The following CEP57 variants were observed in gnomAD, a reference collection of about 807,000 sequenced individuals.
CEP57 encodes the protein centrosomal protein of 57 kDa.
In CEP57, 40 loss-of-function variants were observed where a neutral mutation model predicts 68.0. The observed-to-expected ratio is 0.59, with a 90% CI of 0.46 to 0.77. CEP57 has a LOEUF of 0.77. Among genes scored for constraint, CEP57 ranks in the 30% least tolerant of loss-of-function variants. The pLI, the probability that CEP57 is intolerant of heterozygous loss-of-function variation, is 0.00. For missense variants in CEP57, 606 were observed against 580.7 expected (o/e 1.04, Z -0.45); for synonymous variants, 219 against 198.7 (o/e 1.10, Z -0.86).
intron 4 of CEP57, among the ~76,000 whole-genome samples, chr11:95,814,634 A>G (rs188586045): frequency 3.3e-5 from 5 of 152,328 alleles, no homozygotes; most frequent in Non-Finnish European, 1.5e-5. Context: ...TGCTGGAATT[A>G]CAGGCATGAG....
chr11:95,791,838 A>G (rs924124377), intron 1 of CEP57, among the ~76,000 whole-genome samples: 5 of 152,208 alleles, frequency 3.3e-5, no homozygotes, highest in Non-Finnish European at 5.9e-5. Context: ...CTTTTAGGAA[A>G]CTTGAGATAG....
At chr11:95,792,247 T>C (rs1231653003) in intron 1 of CEP57, among the ~76,000 whole-genome samples, 1 of 152,168 alleles carries the variant, frequency 6.6e-6, no homozygotes, top group Non-Finnish European at 1.5e-5. Context: ...TGAGATTTTA[T>C]AGGAGATGTG....
upstream of CEP57, chr11:95,790,285 A>G (rs1860946920): frequency 3.6e-6 from 1 of 276,524 alleles, no homozygotes; most frequent in Admixed American, 4.8e-5. Context: ...CACTGGCGAC[A>G]CCACTACTCG....
intron 2 of CEP57, among the ~76,000 whole-genome samples, chr11:95,805,718 A>T (rs1747089785): frequency 6.6e-6 from 1 of 152,168 alleles, no homozygotes; most frequent in African/African-American, 2.4e-5. Flanking sequence ...TGTTTATGAA[A>T]TTTTAGTAAT....
intron 1 of CEP57, among the ~76,000 whole-genome samples, chr11:95,791,718 A>G (rs1159682936): frequency 6.6e-6 from 1 of 152,178 alleles, no homozygotes; most frequent in Non-Finnish European, 1.5e-5. Flanking sequence ...CCTAGAAGGG[A>G]AGATGGAGCT....
At chr11:95,805,585 G>A (rs1233128022) in intron 2 of CEP57, among the ~76,000 whole-genome samples, 4 of 152,162 alleles carry the variant, frequency 2.6e-5, no homozygotes, top group African/African-American at 9.7e-5. Context: ...GACTCAATTC[G>A]TAAAAGACGG....
chr11:95,830,065 T>A (rs1862937138), intron 10 of CEP57, among the ~76,000 whole-genome samples: 1 of 152,138 alleles, frequency 6.6e-6, no homozygotes, highest in Admixed American at 6.6e-5. Context: ...GCAGAACAGT[T>A]TTGTTGACTG....
chr11:95,817,572 T>C (rs1862350499), intron 4 of CEP57, among the ~76,000 whole-genome samples: 1 of 152,152 alleles, frequency 6.6e-6, no homozygotes, highest in South Asian at 2.1e-4. Context: ...TAAAACTACA[T>C]ATTAGGTAAA....
rs189483870 is a variant in CEP57, at chr11:95,790,534, G to T, written c.-165G>T. The stretch of plus-strand genomic sequence containing the variant: ...AGCTGTGAGCGTAGGCGGCCCTGAG[G>T]GGGTGTGTTGCAGGGGTTTCCAAGC... On this transcript the variant is annotated 5_prime_UTR_variant, in exon 1 of 11. Coordinates refer to ENST00000325542, the MANE Select transcript of CEP57 (RefSeq NM_014679.5). 8.2e-6 allele frequency: 6 copies of T among 728,708 alleles called. No homozygotes were observed. The East Asian group carries it at 1.6e-4, about 20-fold the overall frequency. 45.1% of individuals were successfully genotyped at this position (728,708 alleles called of 1,614,324 possible). A position where few individuals can be genotyped will look rare whatever the true frequency, so the allele number is the denominator to read the frequency against.
At chr11:95,829,073 A>C in intron 9 of CEP57, 114 bp from the exon 10 acceptor site, 1 of 1,183,744 alleles carries the variant, frequency 8.4e-7, no homozygotes, top group Non-Finnish European at 1.2e-6. Flanking sequence ...TGCTCTGTTC[A>C]AAAAATGGAG....
In CEP57 at chr11:95,802,255, A is replaced by AT. The variant is rs1054489399; in HGVS notation, c.202+2886dup. Reference sequence around the variant, plus strand: ...GTGAAAGGTTTATAAACGTGACATGATTTTTTTTTTTTTTTTTTTGAGACA... The same window carrying AT: ...GTGAAAGGTTTATAAACGTGACATGATTTTTTTTTTTTTTTTTTTTGAGACA... On this transcript the variant is annotated intron_variant, in intron 2 of 10. Transcript: ENST00000325542. Among the ~76,000 whole-genome samples the AT allele has an allele frequency of 7.4e-3, 1,023 of 138,268 alleles. 4 individuals carry two copies. Among genetic ancestry groups the AT allele is most frequent in the African/African-American group, 0.014 (527 of 37,794 alleles). The allele number at this position is 138,268 out of a possible 152,430, so 90.7% of individuals were successfully genotyped here.
intron 1 of CEP57, among the ~76,000 whole-genome samples, chr11:95,793,425 G>A (rs1591041130): frequency 1.3e-5 from 2 of 151,550 alleles, no homozygotes; most frequent in East Asian, 3.9e-4. Flanking sequence ...TTGGTCCTTC[G>A]ACCAAGCTGC....
At chr11:95,818,173 AG>A (rs1313578800) in intron 5 of CEP57, 12 of 361,186 alleles carry the variant, frequency 3.3e-5, no homozygotes, top group Non-Finnish European at 5.3e-6. Flanking sequence ...GCACTTTGGG[AG>A]GCCAAGGCGG....
intron 4 of CEP57, among the ~76,000 whole-genome samples, chr11:95,815,591 T>C (rs1862267703): frequency 6.6e-6 from 1 of 152,174 alleles, no homozygotes. Context: ...CACAATAAAT[T>C]CCTCAGTTGT....
In CEP57 at chr11:95,817,816, T is replaced by C. The variant is rs372997997; in HGVS notation, c.534T>C (p.Asp178=). 5.0e-6 allele frequency: 8 copies of C among 1,613,602 alleles called. No homozygotes were observed. In the African/African-American group the frequency reaches 1.1e-4, roughly 22 times the overall value. Residue 178 remains aspartate, a synonymous_variant, in exon 5 of 11, where the codon GAT becomes GAC. Coordinates refer to ENST00000325542, the MANE Select transcript of CEP57 (RefSeq NM_014679.5). ...QVSLERERQH[D]QTHVQSQLEK... ...CCCTAGAAAGAGAACGACAACATGA[T>C]CAAACACATGTTCAGAGCCAACTTG...
intron 2 of CEP57, among the ~76,000 whole-genome samples, chr11:95,812,644 G>A (rs147163997): frequency 1.3e-3 from 203 of 151,950 alleles, no homozygotes; most frequent in African/African-American, 4.5e-3. Flanking sequence ...GGGTTTCACT[G>A]TGTTAGGCTG....
At chr11:95,797,137 T>C (rs1020978664) in intron 1 of CEP57, among the ~76,000 whole-genome samples, 4 of 150,104 alleles carry the variant, frequency 2.7e-5, no homozygotes, top group East Asian at 4.0e-4. Context: ...GGGCTGAAAT[T>C]TGTGACTCTT....
chr11:95,824,073 TA>T (rs71040119), intron 8 of CEP57, among the ~76,000 whole-genome samples: 36,734 of 112,672 alleles, frequency 0.33, 5,638 homozygotes, highest in Middle Eastern at 0.39. Context: ...AGGCCTATTG[TA>T]AAAAAAAAAA....
Position 95,829,204 on chromosome 11 carries a change from C to G in CEP57, c.1145C>G (p.Ala382Gly). ...GQMSFDHQQL[A>G]KLIQESPTVE... ...GTATATAGTGATCACCAGCAGCTTG[C>G]AAAACTTATCCAGGAGTCGCCAACC... Residue 382 changes from alanine to glycine, a missense_variant, in exon 10 of 11, where the codon GCA (alanine) becomes GGA (glycine). By Grantham distance (60) the Ala-to-Gly change is moderately conservative. Coordinates refer to ENST00000325542, the MANE Select transcript of CEP57 (RefSeq NM_014679.5). 1 of 1,613,844 alleles carries G rather than the reference C, an allele frequency of 6.2e-7. No homozygotes were observed. Among genetic ancestry groups the G allele is most frequent in the East Asian group, 2.2e-5 (1 of 44,874 alleles).
Sources: allele counts gnomAD v4.1 joint callset (sites outside exome capture counted in the v4.1 genomes callset), GRCh38; gene constraint gnomAD v4.1.1; transcripts MANE v1.5; gene names NCBI Gene and HGNC (gene_info 2026-07-23, HGNC 2026-07-21).